The following CACUL1 variants were observed in gnomAD, a reference collection of about 807,000 sequenced individuals.
The protein encoded by CACUL1 is CDK2 associated cullin domain 1.
A neutral mutation model predicts 45.2 loss-of-function variants in CACUL1; 13 were observed. The ratio of observed to expected loss-of-function variants is 0.29; its 90% CI spans 0.19 to 0.46. CACUL1 has a LOEUF of 0.46. CACUL1 is among the 20% of genes least tolerant of loss of function. The pLI is 1.00. For missense variants in CACUL1, 421 were observed against 471.4 expected (o/e 0.89, Z 0.99); for synonymous variants, 197 against 174.2 (o/e 1.13, Z -1.03).
intron 4 of CACUL1, among the ~76,000 whole-genome samples, chr10:118,705,009 A>G (rs1589606452): frequency 6.6e-6 from 1 of 152,388 alleles, no homozygotes; most frequent in East Asian, 1.9e-4. Flanking sequence ...AAAGTGACCA[A>G]GAAGAAAAAA....
intron 7 of CACUL1, 123 bp downstream of exon 7, chr10:118,691,142 A>G: frequency 1.3e-6 from 1 of 787,116 alleles, no homozygotes. Context: ...GTCTTCTTGC[A>G]GCAGCAAGAC....
intron 3 of CACUL1, among the ~76,000 whole-genome samples, chr10:118,722,914 G>A (rs895399124): frequency 6.6e-6 from 1 of 152,104 alleles, no homozygotes; most frequent in African/African-American, 2.4e-5. Flanking sequence ...CAACAACCCA[G>A]AAGTTACCAC....
chr10:118,701,447 G>A, intron 4 of CACUL1, 39 bp from the exon 5 acceptor site: 1 of 1,196,250 alleles, frequency 8.4e-7, no homozygotes. Context: ...TGTATTAATT[G>A]GGGAAATGAT....
In CACUL1 at chr10:118,685,562, G is replaced by A. The variant is rs1161511193; in HGVS notation, c.*566C>T. 1 of 152,630 alleles carries A rather than the reference G, an allele frequency of 6.6e-6. No individual in the cohort carries two copies. The highest frequency in any genetic ancestry group is 1.5e-5 in the Non-Finnish European group (1 of 68,094). The allele number at this position is 152,630 out of a possible 1,614,324, so 9.5% of individuals were successfully genotyped here. Reference sequence around the variant, plus strand: ...TAGAAGAAAGTTGTGAACTGATGGGGGAAAGTTCTAGCAAAAGCAGAGTTA... The same window carrying A: ...TAGAAGAAAGTTGTGAACTGATGGGAGAAAGTTCTAGCAAAAGCAGAGTTA... On this transcript the variant is annotated 3_prime_UTR_variant, in exon 9 of 9. Coordinates refer to ENST00000369151, the MANE Select transcript of CACUL1 (RefSeq NM_153810.5).
intron 5 of CACUL1, among the ~76,000 whole-genome samples, chr10:118,699,334 C>A (rs1056735114): frequency 2.6e-5 from 4 of 152,176 alleles, no homozygotes; most frequent in Admixed American, 6.5e-5. Flanking sequence ...AAAGGTATAT[C>A]CACCTTTAAG....
chr10:118,738,557 A>ACATT (rs1845761673), intron 1 of CACUL1, among the ~76,000 whole-genome samples: 1 of 151,282 alleles, frequency 6.6e-6, no homozygotes, highest in Non-Finnish European at 1.5e-5. Context: ...CAGAGAAAAG[A>ACATT]CATTCACATA....
chr10:118,730,553 A>G, intron 1 of CACUL1, 143 bp from the exon 2 acceptor site: 1 of 812,994 alleles, frequency 1.2e-6, no homozygotes, highest in East Asian at 2.7e-5. Context: ...TCCTATTTCA[A>G]TTAAAAACAA....
chr10:118,722,953 T>G (rs534576302), intron 3 of CACUL1, among the ~76,000 whole-genome samples: 1 of 152,226 alleles, frequency 6.6e-6, no homozygotes, highest in Non-Finnish European at 1.5e-5. Flanking sequence ...AATTTCTGCA[T>G]ACTGCCCTTA....
At chr10:118,701,461 T>TGA in intron 4 of CACUL1, 53 bp from the exon 5 acceptor site, 1 of 964,618 alleles carries the variant, frequency 1.0e-6, no homozygotes, top group Non-Finnish European at 1.5e-6. Flanking sequence ...AAATGATTAG[T>TGA]CTAATGAACT....
At chr10:118,721,014 T>C (rs962506967) in intron 3 of CACUL1, among the ~76,000 whole-genome samples, 14 of 152,220 alleles carry the variant, frequency 9.2e-5, no homozygotes, top group Admixed American at 6.5e-4. Flanking sequence ...TTGAAACCTA[T>C]GAAGAAAGGA....
Position 118,686,082 on chromosome 10 carries a change from C to A in CACUL1, c.*46G>T. ...TGCTCTGAATACAGTCTCTGCAGCT[C>A]CAGTGTGTCCTCTTTTCAGGAAGGA... On this transcript the variant is annotated 3_prime_UTR_variant, in exon 9 of 9. Transcript: ENST00000369151. The A allele has an allele frequency of 6.8e-7, 1 of 1,461,342 alleles. No homozygotes were observed. Among genetic ancestry groups the A allele is most frequent in the South Asian group, 1.1e-5 (1 of 87,892 alleles). 90.5% of individuals were successfully genotyped at this position (1,461,342 alleles called of 1,614,324 possible).
chr10:118,737,341 T>C (rs952317712), intron 1 of CACUL1, among the ~76,000 whole-genome samples: 1 of 152,194 alleles, frequency 6.6e-6, no homozygotes, highest in East Asian at 1.9e-4. Flanking sequence ...TCTACTGTGA[T>C]CATGAGTTAG....
chr10:118,747,112 G>A (rs990801725), intron 1 of CACUL1, among the ~76,000 whole-genome samples: 1 of 152,162 alleles, frequency 6.6e-6, no homozygotes, highest in Non-Finnish European at 1.5e-5. Flanking sequence ...CTGATGATCC[G>A]AGGTGGAACA....
At chr10:118,691,821 C>T (rs960913815) in intron 6 of CACUL1, among the ~76,000 whole-genome samples, 7 of 140,326 alleles carry the variant, frequency 5.0e-5, no homozygotes, top group African/African-American at 1.1e-4. Context: ...GAGCCGAGAT[C>T]GCACCACTGC....
chr10:118,701,475 G>T, intron 4 of CACUL1, 67 bp from the exon 5 acceptor site: 1 of 817,984 alleles, frequency 1.2e-6, no homozygotes. Flanking sequence ...ATGAACTGGA[G>T]CACTAAATAT....
chr10:118,733,122 CGCACTTTA>C (rs1845712117), intron 1 of CACUL1, among the ~76,000 whole-genome samples: 1 of 152,136 alleles, frequency 6.6e-6, no homozygotes, highest in Non-Finnish European at 1.5e-5. Flanking sequence ...GCACAGGCTT[CGCACTTTA>C]GCAAATCACC....
At chr10:118,700,049 G>GA (rs939257519) in intron 5 of CACUL1, among the ~76,000 whole-genome samples, 30 of 148,584 alleles carry the variant, frequency 2.0e-4, no homozygotes, top group South Asian at 8.5e-4. Flanking sequence ...ACTATTCTTT[G>GA]AAAAAAAAAC....
chr10:118,714,875 C>A (rs1215523699), intron 3 of CACUL1, among the ~76,000 whole-genome samples: 2 of 152,208 alleles, frequency 1.3e-5, no homozygotes, highest in East Asian at 1.9e-4. Context: ...AAGGCACCAG[C>A]GTCTATCCAT....
chr10:118,709,906 AT>A (rs551356636), intron 3 of CACUL1, among the ~76,000 whole-genome samples: 19 of 150,696 alleles, frequency 1.3e-4, no homozygotes, highest in Admixed American at 9.9e-4. Flanking sequence ...TTAAATTATT[AT>A]TTTTTTTTGT....
Sources: allele counts gnomAD v4.1 joint callset (sites outside exome capture counted in the v4.1 genomes callset), GRCh38; gene constraint gnomAD v4.1.1; transcripts MANE v1.5; gene names NCBI Gene and HGNC (gene_info 2026-07-23, HGNC 2026-07-21).